The following SLC9C2 variants were observed in gnomAD, a reference collection of about 807,000 sequenced individuals.
The protein encoded by SLC9C2 is sodium/hydrogen exchanger 11.
SLC9C2 carries 75 observed loss-of-function variants against 140.2 expected under a neutral mutation model. The ratio of observed to expected loss-of-function variants is 0.53; its 90% CI spans 0.44 to 0.65. The LOEUF (loss-of-function observed/expected upper bound fraction) is 0.65, where lower values mean the gene tolerates loss of function less well. SLC9C2 is among the 30% of genes least tolerant of loss of function. SLC9C2 has a pLI of 0.00. For synonymous variants in SLC9C2, 375 were observed against 420.9 expected, an observed-to-expected ratio of 0.89 and a Z score of 1.34; for missense variants, 1,074 against 1,331.8, an observed-to-expected ratio of 0.81 and a Z score of 3.01.
intron 13 of SLC9C2, among the ~76,000 whole-genome samples, chr1:173,540,084 C>T (rs1250561888): frequency 6.6e-6 from 1 of 152,174 alleles, no homozygotes; most frequent in Non-Finnish European, 1.5e-5. Context: ...ACTTAAGAGG[C>T]TTTGTGGCTT....
At chr1:173,516,322 T>A (rs879437425) in intron 23 of SLC9C2, among the ~76,000 whole-genome samples, 1 of 152,236 alleles carries the variant, frequency 6.6e-6, no homozygotes. Context: ...ATTCCTTTTT[T>A]AAGTTTTAAG....
intron 10 of SLC9C2, chr1:173,555,250 C>T (rs1663592170): frequency 6.3e-6 from 1 of 157,552 alleles, no homozygotes; most frequent in African/African-American, 2.4e-5. Flanking sequence ...TACGGCTGTA[C>T]CAGAGGCTCT....
intron 24 of SLC9C2, among the ~76,000 whole-genome samples, chr1:173,507,517 C>CACACAT (rs1439113838): frequency 4.6e-5 from 7 of 152,042 alleles, no homozygotes; most frequent in Admixed American, 2.6e-4. Context: ...TGCACACACA[C>CACACAT]ACACACACAC....
chr1:173,502,290 A>AG (rs1399419921), intron 27 of SLC9C2, among the ~76,000 whole-genome samples: 6 of 151,414 alleles, frequency 4.0e-5, no homozygotes, highest in Admixed American at 3.9e-4. Flanking sequence ...AAAAAAAAAA[A>AG]AAAAAAAGCT....
In SLC9C2 at chr1:173,564,055, A is replaced by T. The variant is rs577338220; in HGVS notation, c.1047-6547T>A. ...GGATCTCATGCTTTTTTATGGCTGA[A>T]TAGTATTCCATTGTGTATATGTACC... On this transcript the variant is annotated intron_variant, in intron 9 of 27. Coordinates refer to ENST00000367714, the MANE Select transcript of SLC9C2 (RefSeq NM_178527.4). 7.2e-5 allele frequency among the ~76,000 whole-genome samples: 11 copies of T among 152,286 alleles called. No individual in the cohort carries two copies. The South Asian group carries it at 2.3e-3, about 32-fold the overall frequency.
At chr1:173,583,286 T>A (rs913398381) in intron 6 of SLC9C2, among the ~76,000 whole-genome samples, 1 of 152,210 alleles carries the variant, frequency 6.6e-6, no homozygotes, top group African/African-American at 2.4e-5. Flanking sequence ...TATTGTTGTA[T>A]TGTTATTTTT....
At chr1:173,509,056 T>C (rs1425452960) in intron 24 of SLC9C2, among the ~76,000 whole-genome samples, 11 of 152,036 alleles carry the variant, frequency 7.2e-5, no homozygotes, top group Admixed American at 7.2e-4. Flanking sequence ...TGATTGCAAG[T>C]AGCTTGGGAA....
chr1:173,570,299 A>G (rs1038610875), intron 9 of SLC9C2, among the ~76,000 whole-genome samples: 2 of 152,092 alleles, frequency 1.3e-5, no homozygotes, highest in African/African-American at 2.4e-5. Context: ...CTTCCCTTCA[A>G]GACAGCAGTT....
intron 3 of SLC9C2, among the ~76,000 whole-genome samples, 157 bp downstream of exon 3, chr1:173,599,960 T>C (rs1432986374): frequency 6.6e-6 from 1 of 152,154 alleles, no homozygotes; most frequent in Non-Finnish European, 1.5e-5. Context: ...TGTCCTTTAC[T>C]GTGTGGTTAT....
intron 17 of SLC9C2, 145 bp downstream of exon 17, chr1:173,533,464 T>C: frequency 1.8e-6 from 1 of 556,740 alleles, no homozygotes; most frequent in Non-Finnish European, 3.2e-6. Context: ...TTTTTTGTAG[T>C]GATGGGGTCT....
chr1:173,512,007 C>T (rs983232084), intron 23 of SLC9C2, among the ~76,000 whole-genome samples: 20 of 152,050 alleles, frequency 1.3e-4, no homozygotes, highest in African/African-American at 4.8e-4. Context: ...TTCCATTGGT[C>T]CATATGTCTG....
chr1:173,532,029 C>T (rs947224087), intron 17 of SLC9C2, among the ~76,000 whole-genome samples: 1 of 152,144 alleles, frequency 6.6e-6, no homozygotes, highest in African/African-American at 2.4e-5. Context: ...ATCAAAATTA[C>T]CCTTTAAACC....
At chr1:173,510,900 G>T (rs1337055121) in intron 23 of SLC9C2, among the ~76,000 whole-genome samples, 1 of 152,052 alleles carries the variant, frequency 6.6e-6, no homozygotes, top group African/African-American at 2.4e-5. Flanking sequence ...AGGTCCTTGA[G>T]GAATCATCAC....
At chr1:173,504,038 G>A (rs778405691) in intron 26 of SLC9C2, among the ~76,000 whole-genome samples, 1 of 152,188 alleles carries the variant, frequency 6.6e-6, no homozygotes, top group Non-Finnish European at 1.5e-5. Flanking sequence ...GGGGGCTGAC[G>A]CTAGACCCTG....
At chr1:173,583,365 T>C in intron 6 of SLC9C2, 141 bp downstream of exon 6, 1 of 519,870 alleles carries the variant, frequency 1.9e-6, no homozygotes. Context: ...TCAACTATGA[T>C]TTTTTTCTTG....
chr1:173,531,169 G>A (rs921482858), intron 17 of SLC9C2, among the ~76,000 whole-genome samples: 1 of 152,126 alleles, frequency 6.6e-6, no homozygotes, highest in Non-Finnish European at 1.5e-5. Flanking sequence ...AATTAAACCA[G>A]ATAATTTATG....
At chr1:173,576,543 A>C (rs1035867463) in intron 8 of SLC9C2, 118 bp downstream of exon 8, 1 of 596,564 alleles carries the variant, frequency 1.7e-6, no homozygotes, top group African/African-American at 1.9e-5. Context: ...AGCAAAAATA[A>C]AATTTTCAAG....
chr1:173,533,203 G>C (rs1344811863), intron 17 of SLC9C2, among the ~76,000 whole-genome samples: 1 of 151,990 alleles, frequency 6.6e-6, no homozygotes, highest in Non-Finnish European at 1.5e-5. Context: ...AAAACAATGA[G>C]GTTTCTTACT....
chr1:173,590,675 C>T (rs896805658), intron 4 of SLC9C2, among the ~76,000 whole-genome samples: 2 of 152,118 alleles, frequency 1.3e-5, no homozygotes, highest in African/African-American at 4.8e-5. Flanking sequence ...TATATGAACA[C>T]AAGCACTGTG....
Sources: allele counts gnomAD v4.1 joint callset (sites outside exome capture counted in the v4.1 genomes callset), GRCh38; gene constraint gnomAD v4.1.1; transcripts MANE v1.5; gene names NCBI Gene and HGNC (gene_info 2026-07-23, HGNC 2026-07-21).